Variants in PAN2 observed in about 807,000 individuals in gnomAD.
The protein encoded by PAN2 is PAN2-PAN3 deadenylation complex catalytic subunit PAN2.
In PAN2, 68 loss-of-function variants were observed where a neutral mutation model predicts 133.3. The ratio of observed to expected loss-of-function variants is 0.51; its 90% CI spans 0.42 to 0.62. PAN2 has a LOEUF of 0.62. PAN2 is among the 20% of genes least tolerant of loss of function. The probability of loss-of-function intolerance (pLI) is 0.00; values close to 1 mark genes in which losing one functional copy is unlikely to be tolerated. For missense variants in PAN2, 1,042 were observed against 1,500.5 expected (o/e 0.69, Z 5.05); for synonymous variants, 462 against 544.6 (o/e 0.85, Z 2.11).
chr12:56,330,238 TAA>T (rs1280098202), intron 2 of PAN2, among the ~76,000 whole-genome samples: 1 of 151,396 alleles, frequency 6.6e-6, no homozygotes, highest in East Asian at 1.9e-4. Context: ...ACATTGTTTC[TAA>T]AAGAGCCATT....
intron 25 of PAN2, 44 bp downstream of exon 25, chr12:56,318,193 A>G (rs1874123520): frequency 6.5e-7 from 1 of 1,530,690 alleles, no homozygotes; most frequent in East Asian, 2.3e-5. Context: ...ACAAAATACA[A>G]AATCCACCCA....
rs1386565960 is a variant in PAN2, at chr12:56,332,951, A to G, written c.144T>C (p.Ala48=). ...ELDPEGVALE[A]LPVQESVHIM... ...TGTGCACTGATTCCTGGACGGGAAG[A>G]GCCTCCAAGGCCACTCCCTCTGGGT... The change falls in exon 2 of 26, where the codon GCT becomes GCC. Residue 48 remains alanine, a synonymous_variant. Coordinates refer to ENST00000440411, the MANE Select transcript of PAN2 (RefSeq NM_014871.6). 2 of 1,614,068 alleles carry G rather than the reference A, an allele frequency of 1.2e-6. No individual in the cohort carries two copies. The highest frequency in any genetic ancestry group is 1.1e-5 in the South Asian group (1 of 91,090).
At chr12:56,321,097 C>T (rs1874463775) in intron 20 of PAN2, among the ~76,000 whole-genome samples, 1 of 151,568 alleles carries the variant, frequency 6.6e-6, no homozygotes, top group Admixed American at 6.6e-5. Context: ...CATCCTGTTG[C>T]CCAGGCTGGA....
rs762290452 is a variant in PAN2, at chr12:56,323,100, G to C, written c.2455C>G (p.Leu819Val). ...IRMKMTKNKG[L>V]DVCNWTDGDE... is the part of the protein sequence containing the mutation. ...CCATCAGTCCAATTGCAAACATCCA[G>C]CCCTTTGTTTTTGGTCATCTTCATG... Residue 819 changes from leucine to valine, a missense_variant, in exon 17 of 26, where the codon CTG becomes GTG. Transcript: ENST00000440411. 6.2e-7 allele frequency: 1 copy of C among 1,613,974 alleles called. No homozygotes were observed. The highest frequency in any genetic ancestry group is 1.3e-5 in the African/African-American group (1 of 74,948).
intron 5 of PAN2, 106 bp from the exon 6 acceptor site, chr12:56,327,737 C>G: frequency 7.3e-7 from 1 of 1,364,588 alleles, no homozygotes; most frequent in South Asian, 1.4e-5. Context: ...GGCTTTAGGA[C>G]AGGGAAAGTT....
chr12:56,322,280 A>T, intron 19 of PAN2, 112 bp from the exon 20 acceptor site: 1 of 1,036,014 alleles, frequency 9.7e-7, no homozygotes, highest in South Asian at 1.4e-5. Flanking sequence ...TTCAGGTGCT[A>T]TTTTTAAGTG....
At chr12:56,327,297 C>T (rs117725180) in intron 6 of PAN2, 67 bp downstream of exon 6, 2 of 1,537,578 alleles carry the variant, frequency 1.3e-6, no homozygotes, top group Non-Finnish European at 1.8e-6. Context: ...AGGATGAGTA[C>T]TCCTTCGGGT....
chr12:56,332,533 T>A (rs1372617208), intron 2 of PAN2, among the ~76,000 whole-genome samples: 1 of 147,166 alleles, frequency 6.8e-6, no homozygotes, highest in Non-Finnish European at 1.5e-5. Context: ...AGATTGAGGC[T>A]GCAGTGAGCC....
In PAN2 at chr12:56,323,229, G is replaced by A. The variant is rs1874756739; in HGVS notation, c.2346-20C>T. Reference sequence around the variant, plus strand: ...TCCTTCCTATCAGGTCAGAAGAATTGGAAATTTGTTCCGAAAGAGGTCTTG... The same window carrying A: ...TCCTTCCTATCAGGTCAGAAGAATTAGAAATTTGTTCCGAAAGAGGTCTTG... On this transcript the variant is annotated intron_variant, in intron 16 of 25. Coordinates refer to ENST00000440411, the MANE Select transcript of PAN2 (RefSeq NM_014871.6). 6.2e-7 allele frequency: 1 copy of A among 1,613,782 alleles called. No individual in the cohort carries two copies.
At chr12:56,329,126 TG>T (rs892926162) in intron 2 of PAN2, among the ~76,000 whole-genome samples, 3 of 152,214 alleles carry the variant, frequency 2.0e-5, no homozygotes, top group African/African-American at 7.2e-5. Flanking sequence ...AAGAAGATGA[TG>T]GTAACTACTA....
At chr12:56,328,698 C>G in intron 2 of PAN2, 57 bp from the exon 3 acceptor site, 1 of 1,470,402 alleles carries the variant, frequency 6.8e-7, no homozygotes, top group South Asian at 1.2e-5. Flanking sequence ...GGCCACCCTA[C>G]GGCCAGGTCA....
At chr12:56,324,841 G>T in intron 10 of PAN2, 132 bp from the exon 11 acceptor site, 1 of 1,370,034 alleles carries the variant, frequency 7.3e-7, no homozygotes, top group Non-Finnish European at 1.0e-6. Context: ...CCACCAAACC[G>T]GTGGAGCTCA....
intron 1 of PAN2, chr12:56,333,484 T>G (rs1469472461): frequency 1.4e-5 from 3 of 218,478 alleles, no homozygotes; most frequent in Non-Finnish European, 2.8e-5. Context: ...ACTGCTCACT[T>G]GCCTTGTTCA....
rs558980262 is a variant in PAN2, at chr12:56,321,538, G to A, written c.2788+540C>T. Among the ~76,000 whole-genome samples, 4 of 99,440 alleles carry A rather than the reference G, an allele frequency of 4.0e-5. No homozygotes were observed. In the East Asian group the frequency reaches 1.4e-3, roughly 35 times the overall value. 65.2% of individuals were successfully genotyped at this position (99,440 alleles called of 152,430 possible). ...AGCCACTGTGCCTGGCCTATACTAG[G>A]CTAATTAAAAAAAAAAAAAAAATTT... is the stretch of plus-strand genomic sequence containing the variant. On this transcript the variant is annotated intron_variant, in intron 20 of 25. Transcript: ENST00000440411.
chr12:56,322,936 A>G, intron 17 of PAN2, 126 bp downstream of exon 17: 1 of 1,329,360 alleles, frequency 7.5e-7, no homozygotes, highest in Non-Finnish European at 1.1e-6. Flanking sequence ...ATCCCCTAAC[A>G]GGTAAATACT....
At position 56,328,281 on chromosome 12, in the gene PAN2, T is replaced by C; in HGVS notation, c.530A>G (p.His177Arg). The change falls in exon 4 of 26, where the codon CAC becomes CGC. Residue 177 changes from histidine to arginine, a missense_variant. His to Arg is a conservative substitution (Grantham distance 29). Coordinates refer to ENST00000440411, the MANE Select transcript of PAN2 (RefSeq NM_014871.6). ...AGTGTTAAGATCAATCTCTATTATG[T>C]GATTCTGCAGCCCACCAACGAGTAG... ...STLLVGGLQN[H>R]IIEIDLNTVQ... 1 of 1,608,422 alleles carries C rather than the reference T, an allele frequency of 6.2e-7. No homozygotes were observed. The highest frequency in any genetic ancestry group is 8.5e-7 in the Non-Finnish European group (1 of 1,176,956).
intron 9 of PAN2, 59 bp downstream of exon 9, chr12:56,325,276 T>A (rs1874987733): frequency 6.2e-7 from 1 of 1,606,246 alleles, no homozygotes; most frequent in African/African-American, 1.3e-5. Flanking sequence ...CTTTCTCATA[T>A]GACTTCCTTC....
Position 56,332,912 on chromosome 12 carries a change from G to C in PAN2, c.183C>G (p.Val61=). 6.2e-7 allele frequency: 1 copy of C among 1,614,188 alleles called. No individual in the cohort carries two copies. Residue 61 remains valine, a synonymous_variant, in exon 2 of 26, where the codon GTC becomes GTG. Transcript: ENST00000440411. ...CCACCACGCTGTGCAATTCAGAGTA[G>C]ACACCTTCCATTATGTGCACTGATT... ...VQESVHIMEG[V]YSELHSVVAE... is the part of the protein sequence containing the mutation.
intron 2 of PAN2, 127 bp downstream of exon 2, chr12:56,332,686 A>T (rs1381978868): frequency 2.3e-6 from 2 of 877,710 alleles, no homozygotes; most frequent in East Asian, 4.9e-5. Context: ...TATCCCTCCA[A>T]CCAGACCCAG....
Sources: allele counts gnomAD v4.1 joint callset (sites outside exome capture counted in the v4.1 genomes callset), GRCh38; gene constraint gnomAD v4.1.1; transcripts MANE v1.5; gene names NCBI Gene and HGNC (gene_info 2026-07-23, HGNC 2026-07-21).